PPM1L: variants seen among roughly 807,000 people sequenced by gnomAD.
The protein encoded by PPM1L is protein phosphatase 1L.
PPM1L carries 13 observed loss-of-function variants against 31.4 expected under a neutral mutation model. The ratio of observed to expected loss-of-function variants is 0.41; its 90% CI spans 0.27 to 0.66. The LOEUF (loss-of-function observed/expected upper bound fraction) is 0.66, where lower values mean the gene tolerates loss of function less well. Ranked by LOEUF, PPM1L falls within the 30% of genes least tolerant of loss-of-function variation. PPM1L has a pLI of 0.29. For synonymous variants in PPM1L, 184 were observed against 175.4 expected (o/e 1.05, Z -0.39); for missense variants, 326 against 453.7 (o/e 0.72, Z 2.56).
At chr3:160,838,604 C>T (rs1221857510) in intron 1 of PPM1L, among the ~76,000 whole-genome samples, 1 of 152,228 alleles carries the variant, frequency 6.6e-6, no homozygotes, top group African/African-American at 2.4e-5. Flanking sequence ...TAGACTATGT[C>T]TGAGTTGAAT....
At chr3:160,813,370 C>T (rs959683806) in intron 1 of PPM1L, among the ~76,000 whole-genome samples, 1 of 152,082 alleles carries the variant, frequency 6.6e-6, no homozygotes, top group East Asian at 1.9e-4. Context: ...GACAGAGCCT[C>T]ACTCTGTCAT....
chr3:160,956,063 A>T (rs1316140351), intron 1 of PPM1L, among the ~76,000 whole-genome samples: 1 of 152,168 alleles, frequency 6.6e-6, no homozygotes, highest in African/African-American at 2.4e-5. Flanking sequence ...AGAATATACC[A>T]TATAATAGTA....
rs1429967527 is a variant in PPM1L at position 161,078,572 on chromosome 3, C to G, written c.*9415C>G. 6.6e-6 allele frequency: 1 copy of G among 152,148 alleles called. No homozygotes were observed. The highest frequency in any genetic ancestry group is 1.5e-5 in the Non-Finnish European group (1 of 68,034). The allele number at this position is 152,148 out of a possible 1,614,324, so 9.4% of individuals were successfully genotyped here. ...CCATGATAAATACAACAAGGCTTGG[C>G]GAAACCTCATTACTCTTGGAAGTCT... On this transcript the variant is annotated 3_prime_UTR_variant, in exon 4 of 4. Coordinates refer to ENST00000498165, the MANE Select transcript of PPM1L (RefSeq NM_139245.4).
rs1310779694 is a variant in PPM1L at position 161,070,456 on chromosome 3, ACAGT to A, written c.*1300_*1303del. 1 of 152,260 alleles carries A rather than the reference ACAGT, an allele frequency of 6.6e-6. No individual in the cohort carries two copies. Among genetic ancestry groups the A allele is most frequent in the African/African-American group, 2.4e-5 (1 of 41,464 alleles). The allele number at this position is 152,260 out of a possible 1,614,324, so 9.4% of individuals were successfully genotyped here. ...AGCAAAGGGACCTGGCAGTTGCAAC[ACAGT>A]AAGTCAGGAATTCAAGCGTGAACCC... On this transcript the variant is annotated 3_prime_UTR_variant, in exon 4 of 4. Coordinates refer to ENST00000498165, the MANE Select transcript of PPM1L (RefSeq NM_139245.4).
intron 2 of PPM1L, among the ~76,000 whole-genome samples, chr3:161,046,202 A>G (rs1004805176): frequency 1.3e-5 from 2 of 151,884 alleles, no homozygotes; most frequent in African/African-American, 4.8e-5. Context: ...CAAGACTAAT[A>G]AAGAAGAAAA....
chr3:161,030,529 T>C (rs1718534163), intron 2 of PPM1L, among the ~76,000 whole-genome samples: 1 of 152,164 alleles, frequency 6.6e-6, no homozygotes, highest in Non-Finnish European at 1.5e-5. Context: ...AGGTATTTTG[T>C]TATAGCAGCC....
At chr3:160,966,308 G>A (rs1716141508) in intron 2 of PPM1L, among the ~76,000 whole-genome samples, 1 of 152,090 alleles carries the variant, frequency 6.6e-6, no homozygotes, top group Non-Finnish European at 1.5e-5. Context: ...ACAGAAATAT[G>A]TAGAACAGTA....
chr3:160,955,937 A>G (rs1715762084), intron 1 of PPM1L, among the ~76,000 whole-genome samples: 1 of 152,176 alleles, frequency 6.6e-6, no homozygotes, highest in Admixed American at 6.5e-5. Flanking sequence ...TACAGGCGTG[A>G]GCCACCACGC....
chr3:160,858,325 C>A (rs1711787598), intron 1 of PPM1L, among the ~76,000 whole-genome samples: 1 of 152,124 alleles, frequency 6.6e-6, no homozygotes, highest in Non-Finnish European at 1.5e-5. Flanking sequence ...TGGCTCACTG[C>A]AAGAACCGCC....
chr3:161,046,257 A>C (rs1217697530), intron 2 of PPM1L, among the ~76,000 whole-genome samples: 1 of 152,098 alleles, frequency 6.6e-6, no homozygotes, highest in Non-Finnish European at 1.5e-5. Context: ...TAAAGGGGAT[A>C]TCACCACCGA....
intron 1 of PPM1L, among the ~76,000 whole-genome samples, chr3:160,889,149 G>C (rs1560140010): frequency 6.6e-6 from 1 of 152,126 alleles, no homozygotes; most frequent in African/African-American, 2.4e-5. Flanking sequence ...AAATAACTAA[G>C]ATCAGAGCAG....
chr3:160,766,362 T>C (rs1322273350), intron 1 of PPM1L, among the ~76,000 whole-genome samples: 1 of 152,206 alleles, frequency 6.6e-6, no homozygotes, highest in African/African-American at 2.4e-5. Flanking sequence ...AAGGACCTCG[T>C]GGAAGGTGAT....
intron 2 of PPM1L, among the ~76,000 whole-genome samples, chr3:161,022,709 G>T (rs984981780): frequency 1.2e-4 from 16 of 136,240 alleles, no homozygotes; most frequent in Non-Finnish European, 4.5e-5. Context: ...TGTCACCCAG[G>T]CTGGAGTGCA....
chr3:160,941,475 C>A (rs1340001973), intron 1 of PPM1L, among the ~76,000 whole-genome samples: 1 of 152,106 alleles, frequency 6.6e-6, no homozygotes, highest in South Asian at 2.1e-4. Context: ...ATCATGGGGG[C>A]CAGTGTTTCT....
At chr3:160,850,355 A>C (rs1266670098) in intron 1 of PPM1L, among the ~76,000 whole-genome samples, 2 of 152,288 alleles carry the variant, frequency 1.3e-5, no homozygotes, top group East Asian at 3.9e-4. Context: ...TCTTACTGGG[A>C]TGCACTAAGA....
intron 2 of PPM1L, among the ~76,000 whole-genome samples, chr3:161,003,878 T>C (rs990287019): frequency 1.3e-5 from 2 of 150,796 alleles, no homozygotes; most frequent in African/African-American, 2.5e-5. Context: ...AACACTATGT[T>C]GAATAGGAGT....
rs1393980522 is a variant in PPM1L at position 161,034,550 on chromosome 3, G to C, written c.575-30853G>C. Among the ~76,000 whole-genome samples the C allele has an allele frequency of 2.0e-5, 3 of 151,980 alleles. No homozygotes were observed. In the East Asian group the frequency reaches 5.8e-4, roughly 29 times the overall value. ...AGTTCATGTCCTTTGCAGGGATGTG[G>C]ATGAAGCTGGAAACCATCAATCTCA... On this transcript the variant is annotated intron_variant, in intron 2 of 3. Coordinates refer to ENST00000498165, the MANE Select transcript of PPM1L (RefSeq NM_139245.4).
At chr3:160,997,961 C>T (rs192568385) in intron 2 of PPM1L, among the ~76,000 whole-genome samples, 407 of 152,032 alleles carry the variant, frequency 2.7e-3, no homozygotes, top group Non-Finnish European at 4.4e-3. Flanking sequence ...GAAGCAGGAT[C>T]CAAGTCTTAT....
chr3:160,847,650 A>G (rs374178005), intron 1 of PPM1L, among the ~76,000 whole-genome samples: 379 of 152,266 alleles, frequency 2.5e-3, no homozygotes, highest in African/African-American at 8.9e-3. Flanking sequence ...AAACACACAC[A>G]CCCAGGGACA....
Sources: allele counts gnomAD v4.1 joint callset (sites outside exome capture counted in the v4.1 genomes callset), GRCh38; gene constraint gnomAD v4.1.1; transcripts MANE v1.5; gene names NCBI Gene and HGNC (gene_info 2026-07-23, HGNC 2026-07-21).